The following JAK2 variants were observed in gnomAD, a reference collection of about 807,000 sequenced individuals.
JAK2 encodes the protein tyrosine-protein kinase JAK2.
JAK2 carries 86 observed loss-of-function variants against 139.3 expected under a neutral mutation model. The observed-to-expected ratio is 0.62, with a 90% confidence interval of 0.52 to 0.74. The LOEUF (loss-of-function observed/expected upper bound fraction) is 0.74. Among genes scored for constraint, JAK2 ranks in the 30% least tolerant of loss-of-function variants. The pLI, the probability that JAK2 is intolerant of heterozygous loss-of-function variation, is 0.00. For synonymous variants in JAK2, 490 were observed against 437.7 expected (o/e 1.12, Z -1.49); for missense variants, 1,421 against 1,360.3 (o/e 1.04, Z -0.70).
intron 22 of JAK2, among the ~76,000 whole-genome samples, chr9:5,096,429 A>C (rs1481654174): frequency 6.6e-6 from 1 of 152,102 alleles, no homozygotes; most frequent in East Asian, 1.9e-4. Flanking sequence ...TGGAATTCAA[A>C]CCCACAAAAA....
chr9:4,988,231 C>T (rs903510866), intron 2 of JAK2, among the ~76,000 whole-genome samples: 7 of 152,216 alleles, frequency 4.6e-5, no homozygotes, highest in African/African-American at 1.7e-4. Flanking sequence ...GCCCAGAGCA[C>T]CTCAGGCTTG....
intron 6 of JAK2, among the ~76,000 whole-genome samples, chr9:5,052,406 A>ATT (rs202102423): frequency 4.0e-5 from 6 of 151,204 alleles, no homozygotes; most frequent in South Asian, 2.1e-4. Context: ...ATGCTGCATC[A>ATT]TTTTTTTTTA....
chr9:5,086,080 C>G (rs1319847851), intron 19 of JAK2: 2 of 654,282 alleles, frequency 3.1e-6, no homozygotes, highest in Non-Finnish European at 2.9e-6. Context: ...TGAGACAAGT[C>G]AAGTCCCTTC....
intron 22 of JAK2, chr9:5,111,369 G>T: frequency 2.5e-6 from 1 of 404,626 alleles, no homozygotes; most frequent in Non-Finnish European, 4.8e-6. Context: ...CCCCTCCTAC[G>T]CCAGCAGCTC....
chr9:5,126,834 C>CAA lies in JAK2; in HGVS notation c.*45_*46dup. The CAA allele has an allele frequency of 8.1e-7, 1 of 1,238,128 alleles. No individual in the cohort carries two copies. The highest frequency in any genetic ancestry group is 1.2e-6 in the Non-Finnish European group (1 of 851,796). The allele number at this position is 1,238,128 out of a possible 1,614,324, so 76.7% of individuals were successfully genotyped here. On this transcript the variant is annotated 3_prime_UTR_variant, in exon 25 of 25. Coordinates refer to ENST00000381652, the MANE Select transcript of JAK2 (RefSeq NM_004972.4). ...CTGAGACCAAAGTAGATTTACAGAA[C>CAA]AAAGTTTTATATTTCACATTGCTGT... is the stretch of plus-strand genomic sequence containing the variant.
At chr9:5,065,574 GCAA>G (rs1027585227) in intron 9 of JAK2, among the ~76,000 whole-genome samples, 2 of 152,292 alleles carry the variant, frequency 1.3e-5, no homozygotes, top group Non-Finnish European at 2.9e-5. Context: ...TGTGGCTAAT[GCAA>G]CCGAGGAACT....
chr9:5,019,692 G>A (rs925696365), intron 2 of JAK2, among the ~76,000 whole-genome samples: 1 of 152,158 alleles, frequency 6.6e-6, no homozygotes, highest in African/African-American at 2.4e-5. Flanking sequence ...CTTTCATAGG[G>A]TAGGACTTTT....
At chr9:5,123,863 A>G (rs1024627932) in intron 23 of JAK2, among the ~76,000 whole-genome samples, 32 of 150,262 alleles carry the variant, frequency 2.1e-4, no homozygotes, top group South Asian at 8.4e-4. Flanking sequence ...GGAGTCAGAC[A>G]TATCTCACTG....
chr9:5,055,662 A>G lies in JAK2; in HGVS notation c.937-7A>G. On this transcript the variant is annotated splice_polypyrimidine_tract_variant and splice_region_variant and intron_variant, in intron 7 of 24. Transcript: ENST00000381652. ...CCGTTTTTAATTTTACATGCTTTTA[A>G]TTATAGGATTTACAGTTATATTGCG... 1 of 1,549,198 alleles carries G rather than the reference A, an allele frequency of 6.5e-7. No individual in the cohort carries two copies. Among genetic ancestry groups the G allele is most frequent in the Non-Finnish European group, 8.8e-7 (1 of 1,130,522 alleles).
chr9:5,024,014 T>C (rs1822611854), intron 3 of JAK2, among the ~76,000 whole-genome samples: 1 of 152,194 alleles, frequency 6.6e-6, no homozygotes, highest in Non-Finnish European at 1.5e-5. Context: ...CCCAGCACTT[T>C]GGGAGGCTGA....
chr9:5,109,538 A>G (rs1421974956), intron 22 of JAK2: 2 of 152,216 alleles, frequency 1.3e-5, no homozygotes, highest in African/African-American at 4.8e-5. Context: ...AATCGCCTTA[A>G]TCACACCAAT....
chr9:5,113,881 A>T, intron 22 of JAK2: 2 of 209,722 alleles, frequency 9.5e-6, no homozygotes, highest in Non-Finnish European at 9.8e-6. Context: ...CCCCACCGTG[A>T]AGATCTTACA....
chr9:5,089,644 A>G (rs771322202), intron 19 of JAK2, 30 bp from the exon 20 acceptor site: 1 of 1,205,328 alleles, frequency 8.3e-7, no homozygotes. Context: ...AAAACTTGGT[A>G]TTTCCATCCT....
rs141413260 is a variant in JAK2, at chr9:4,994,918, A to G, written c.-26+8896A>G. Among the ~76,000 whole-genome samples, 176 of 150,870 alleles carry G rather than the reference A, an allele frequency of 1.2e-3. 2 individuals are homozygous for G. Among genetic ancestry groups the G allele is most frequent in the African/African-American group, 4.0e-3 (161 of 40,156 alleles). On this transcript the variant is annotated intron_variant, in intron 2 of 24. Transcript: ENST00000381652. Reference sequence around the variant, plus strand: ...AATGTCTTAGAATTCAAAAAGTAGTAAATATCTTTGTACATTTGTCAGGGC... The same window carrying G: ...AATGTCTTAGAATTCAAAAAGTAGTGAATATCTTTGTACATTTGTCAGGGC...
chr9:5,078,693 G>A (rs1819477251), intron 16 of JAK2, among the ~76,000 whole-genome samples: 4 of 152,080 alleles, frequency 2.6e-5, no homozygotes, highest in Admixed American at 2.6e-4. Context: ...ATGTATGAAG[G>A]ATAGGATTTT....
rs950837785 is a variant in JAK2 at position 5,111,515 on chromosome 9, G to A, written c.3060-11489G>A. 20 of 367,880 alleles carry A rather than the reference G, an allele frequency of 5.4e-5. 1 individual carries two copies. Among genetic ancestry groups the A allele is most frequent in the African/African-American group, 3.0e-4 (14 of 47,030 alleles). 22.8% of individuals were successfully genotyped at this position (367,880 alleles called of 1,614,324 possible). On this transcript the variant is annotated intron_variant, in intron 22 of 24. Transcript: ENST00000381652. The stretch of plus-strand genomic sequence containing the variant: ...TAGGGATGCCGCCGCCTATCCATCC[G>A]CCAAGACGCCCAGCAGCGCCTGTCC...
chr9:5,064,676 A>G (rs1158822982), intron 8 of JAK2, among the ~76,000 whole-genome samples: 3 of 152,374 alleles, frequency 2.0e-5, no homozygotes, highest in Non-Finnish European at 2.9e-5. Flanking sequence ...AGAGTGAACT[A>G]TAACTGGGAA....
chr9:5,045,625 A>G (rs750226110), intron 5 of JAK2, among the ~76,000 whole-genome samples: 12 of 152,108 alleles, frequency 7.9e-5, no homozygotes, highest in Admixed American at 2.0e-4. Context: ...CTGAATATAA[A>G]TCTGCCTTTT....
chr9:5,003,463 T>C (rs1051751247), intron 2 of JAK2, among the ~76,000 whole-genome samples: 2 of 152,046 alleles, frequency 1.3e-5, no homozygotes, highest in Non-Finnish European at 2.9e-5. Flanking sequence ...CCTAGGTATT[T>C]GATTTTTTGT....
Sources: allele counts gnomAD v4.1 joint callset (sites outside exome capture counted in the v4.1 genomes callset), GRCh38; gene constraint gnomAD v4.1.1; transcripts MANE v1.5; gene names NCBI Gene and HGNC (gene_info 2026-07-23, HGNC 2026-07-21).